The following FYN variants were observed in gnomAD, a reference collection of about 807,000 sequenced individuals.
The protein encoded by FYN is tyrosine-protein kinase Fyn.
A neutral mutation model predicts 70.2 loss-of-function variants in FYN; 10 were observed. That is an observed-to-expected ratio of 0.14 (90% CI 0.09 to 0.24). The LOEUF is 0.24. Ranked by LOEUF, FYN falls within the 10% of genes least tolerant of loss-of-function variation. The pLI, the probability that FYN is intolerant of heterozygous loss-of-function variation, is 1.00. For missense variants in FYN, 319 were observed against 673.1 expected, an observed-to-expected ratio of 0.47 and a Z score of 5.82; for synonymous variants, 236 against 248.6, an observed-to-expected ratio of 0.95 and a Z score of 0.48.
chr6:111,714,817 C>T (rs551732089), intron 4 of FYN, among the ~76,000 whole-genome samples: 1 of 152,360 alleles, frequency 6.6e-6, no homozygotes, highest in Admixed American at 6.5e-5. Context: ...CTGGTCGTAT[C>T]TTCTCCTCCA....
chr6:111,771,270 G>A (rs1479961047), intron 3 of FYN, among the ~76,000 whole-genome samples: 2 of 152,098 alleles, frequency 1.3e-5, no homozygotes, highest in Non-Finnish European at 2.9e-5. Flanking sequence ...AACAAAGAGT[G>A]CAAGATGGGA....
chr6:111,714,812 C>T (rs962797925), intron 4 of FYN, among the ~76,000 whole-genome samples: 2 of 152,168 alleles, frequency 1.3e-5, no homozygotes, highest in Admixed American at 6.5e-5. Flanking sequence ...CTTTGCTGGT[C>T]GTATCTTCTC....
intron 8 of FYN, 39 bp downstream of exon 8, chr6:111,702,846 G>A: frequency 1.2e-6 from 2 of 1,601,908 alleles, no homozygotes; most frequent in Non-Finnish European, 1.7e-6. Flanking sequence ...ACTCCCTCCA[G>A]CATCCAAATG....
chr6:111,694,339 G>T lies in FYN; in HGVS notation c.1273+36C>A. 6.2e-7 allele frequency: 1 copy of T among 1,611,992 alleles called. No individual in the cohort carries two copies. The highest frequency in any genetic ancestry group is 8.5e-7 in the Non-Finnish European group (1 of 1,178,466). On this transcript the variant is annotated intron_variant, in intron 12 of 13. Coordinates refer to ENST00000354650, the MANE Select transcript of FYN (RefSeq NM_002037.5). The surrounding 1 kb of genome is among the most constrained non-coding windows in gnomAD (Gnocchi z 5.0). ...TGTGCAGTAAGTGACTGTTCTCACA[G>T]CTGTGATCACGAGCCATTGTCATTC...
At chr6:111,725,219 T>C (rs1009887469) in intron 3 of FYN, among the ~76,000 whole-genome samples, 4 of 152,184 alleles carry the variant, frequency 2.6e-5, no homozygotes, top group East Asian at 3.9e-4. Flanking sequence ...AGTTAATCCA[T>C]TGAAAGCCTA....
rs1310776029 is a variant in FYN at position 111,873,136 on chromosome 6, C to T, written c.-291G>A. 6.8e-6 allele frequency: 1 copy of T among 146,600 alleles called. No individual in the cohort carries two copies. Among genetic ancestry groups the T allele is most frequent in the Non-Finnish European group, 1.5e-5 (1 of 65,794 alleles). The allele number at this position is 146,600 out of a possible 1,614,324, so 9.1% of individuals were successfully genotyped here. ...TGTCCCCGGCCCGGCGGCCGAATCC[C>T]TCCCTGGCGCGGGCGGCGGCCGCCG... On this transcript the variant is annotated 5_prime_UTR_variant, in exon 1 of 14. Coordinates refer to ENST00000354650, the MANE Select transcript of FYN (RefSeq NM_002037.5).
At chr6:111,860,227 T>G (rs893032726) in intron 1 of FYN, among the ~76,000 whole-genome samples, 1 of 152,214 alleles carries the variant, frequency 6.6e-6, no homozygotes, top group Non-Finnish European at 1.5e-5. Flanking sequence ...AAGGTCTAAC[T>G]TAATTAAGAT....
intron 3 of FYN, among the ~76,000 whole-genome samples, chr6:111,778,274 A>G (rs920172634): frequency 1.3e-5 from 2 of 152,220 alleles, no homozygotes; most frequent in African/African-American, 2.4e-5. Context: ...ATGAGGAAGG[A>G]CAGTGTCTTC....
At chr6:111,848,439 G>C (rs1287311516) in intron 1 of FYN, among the ~76,000 whole-genome samples, 1 of 152,182 alleles carries the variant, frequency 6.6e-6, no homozygotes, top group East Asian at 1.9e-4. Context: ...GTACCAATAG[G>C]AAAACGGAAA....
intron 3 of FYN, among the ~76,000 whole-genome samples, chr6:111,773,626 A>AGAG (rs1803584927): frequency 6.7e-5 from 1 of 14,932 alleles, no homozygotes; most frequent in Admixed American, 1.1e-3. Flanking sequence ...GAGAGGGGGA[A>AGAG]AGGAGAGGGG....
chr6:111,817,065 T>C (rs1772511510), intron 2 of FYN, among the ~76,000 whole-genome samples: 2 of 151,282 alleles, frequency 1.3e-5, no homozygotes, highest in Admixed American at 6.6e-5. Flanking sequence ...TGTAAAATTA[T>C]ATTCAACAAC....
rs1358669226 is a variant in FYN at position 111,724,378 on chromosome 6, G to T, written c.-11-4316C>A. Among the ~76,000 whole-genome samples, 6 of 152,190 alleles carry T rather than the reference G, an allele frequency of 3.9e-5. No homozygotes were observed. In the East Asian group the frequency reaches 1.2e-3, roughly 29 times the overall value. On this transcript the variant is annotated intron_variant, in intron 3 of 13. Coordinates refer to ENST00000354650, the MANE Select transcript of FYN (RefSeq NM_002037.5). ...CACAGGGTGCTTCGATCCAAGATGA[G>T]TCTGGTTGAACATACACTCCCTCCT...
intron 3 of FYN, chr6:111,754,379 A>G (rs1328953378): frequency 2.0e-5 from 3 of 152,076 alleles, no homozygotes; most frequent in Non-Finnish European, 4.4e-5. Flanking sequence ...ACCTTTTACT[A>G]CCTTTCTTCA....
intron 2 of FYN, among the ~76,000 whole-genome samples, chr6:111,822,842 C>G (rs1296548393): frequency 3.3e-5 from 5 of 152,064 alleles, no homozygotes; most frequent in Non-Finnish European, 5.9e-5. Flanking sequence ...GCATGTCAAC[C>G]ACACCATCAT....
intron 10 of FYN, 109 bp downstream of exon 10, chr6:111,696,168 T>C (rs761131255): frequency 1.4e-5 from 14 of 980,082 alleles, no homozygotes; most frequent in Non-Finnish European, 1.9e-5. Flanking sequence ...ATGGGAATAC[T>C]TGACCCAGGC....
chr6:111,836,485 C>T (rs546943288), intron 2 of FYN, among the ~76,000 whole-genome samples: 33 of 152,208 alleles, frequency 2.2e-4, no homozygotes, highest in African/African-American at 7.9e-4. Context: ...AAATGCTAGG[C>T]TGTGCGCGGT....
At chr6:111,793,273 T>C (rs935452017) in intron 2 of FYN, among the ~76,000 whole-genome samples, 3 of 152,186 alleles carry the variant, frequency 2.0e-5, no homozygotes, top group African/African-American at 7.2e-5. Context: ...ATGAAGCAAA[T>C]AGTCTCAAAA....
At chr6:111,785,686 ATACTT>A (rs1207055250) in intron 2 of FYN, among the ~76,000 whole-genome samples, 2 of 151,738 alleles carry the variant, frequency 1.3e-5, no homozygotes, top group Non-Finnish European at 2.9e-5. Flanking sequence ...TTTTATTACT[ATACTT>A]TAAGTTCTAG....
At chr6:111,663,887 A>C (rs541604563) in intron 13 of FYN, among the ~76,000 whole-genome samples, 1 of 152,236 alleles carries the variant, frequency 6.6e-6, no homozygotes, top group East Asian at 1.9e-4. Context: ...CGGGAATGAA[A>C]GGCAGCCTCC....
Sources: allele counts gnomAD v4.1 joint callset (sites outside exome capture counted in the v4.1 genomes callset), GRCh38; gene constraint gnomAD v4.1.1; non-coding constraint Gnocchi (gnomAD v3.1); transcripts MANE v1.5; gene names NCBI Gene and HGNC (gene_info 2026-07-23, HGNC 2026-07-21).